MYBPC2: variants seen among roughly 807,000 people sequenced by gnomAD.
MYBPC2 encodes the protein myosin-binding protein C, fast-type.
In MYBPC2, 122 loss-of-function variants were observed where a neutral mutation model predicts 137.0. That is an observed-to-expected ratio of 0.89 (90% CI 0.77 to 1.03). The LOEUF (loss-of-function observed/expected upper bound fraction) is 1.03, where lower values mean the gene tolerates loss of function less well. Among genes scored for constraint, MYBPC2 ranks in the 50% least tolerant of loss-of-function variants. The pLI, the probability that MYBPC2 is intolerant of heterozygous loss-of-function variation, is 0.00. For missense variants in MYBPC2, 1,500 were observed against 1,534.4 expected (o/e 0.98, Z 0.37); for synonymous variants, 626 against 612.3 (o/e 1.02, Z -0.33).
chr19:50,453,993 G>T lies in MYBPC2; in HGVS notation c.1750-27G>T, dbSNP rs749387877. 5 of 1,569,400 alleles carry T rather than the reference G, an allele frequency of 3.2e-6. No individual in the cohort carries two copies. In the South Asian group the frequency reaches 5.8e-5, roughly 18 times the overall value. On this transcript the variant is annotated intron_variant, in intron 16 of 27. Coordinates refer to ENST00000357701, the MANE Select transcript of MYBPC2 (RefSeq NM_004533.4). The stretch of plus-strand genomic sequence containing the variant: ...GGTTTGCTTGGGGACACGATGGGGT[G>T]CAAGGCCATCTGGTGGCTGCGTTCA...
At chr19:50,463,009 C>T (rs894582911) in intron 26 of MYBPC2, among the ~76,000 whole-genome samples, 1 of 152,230 alleles carries the variant, frequency 6.6e-6, no homozygotes, top group Non-Finnish European at 1.5e-5. Context: ...CACGGCTCCC[C>T]AGGGTCTTCC....
At chr19:50,450,724 G>C (rs2039847650) in intron 13 of MYBPC2, 105 bp from the exon 14 acceptor site, 1 of 740,058 alleles carries the variant, frequency 1.4e-6, no homozygotes, top group Non-Finnish European at 2.3e-6. Context: ...GGATAAGAAT[G>C]CAGGCATGTG....
chr19:50,435,998 C>T lies in MYBPC2; in HGVS notation c.197-14C>T. 6.4e-7 allele frequency: 1 copy of T among 1,571,372 alleles called. No homozygotes were observed. The highest frequency in any genetic ancestry group is 8.6e-7 in the Non-Finnish European group (1 of 1,157,986). ...GGCCTCCTCCCACTCTACCCTGTCA[C>T]TCACCCCATGTAGGGAAGGACGCAG... On this transcript the variant is annotated splice_polypyrimidine_tract_variant and intron_variant, in intron 3 of 27. Transcript: ENST00000357701. The surrounding 1 kb of genome is among the most constrained non-coding windows in gnomAD (Gnocchi z 4.8).
chr19:50,433,145 C>T (rs528828439), intron 1 of MYBPC2, among the ~76,000 whole-genome samples, 173 bp downstream of exon 1: 2 of 152,208 alleles, frequency 1.3e-5, no homozygotes, highest in African/African-American at 4.8e-5. Flanking sequence ...GTGAGGGTCT[C>T]GACTCTGCAT....
chr19:50,464,801 A>C (rs2040000495), intron 27 of MYBPC2, among the ~76,000 whole-genome samples: 1 of 152,178 alleles, frequency 6.6e-6, no homozygotes. Context: ...AGAAGGGCTT[A>C]GGAAACGTCC....
chr19:50,436,374 T>A (rs2039703723), intron 4 of MYBPC2, among the ~76,000 whole-genome samples: 1 of 152,124 alleles, frequency 6.6e-6, no homozygotes, highest in African/African-American at 2.4e-5. Flanking sequence ...GCATTAGGGC[T>A]TGGTCATGTA....
chr19:50,459,087 C>G (rs904387078), intron 22 of MYBPC2, 24 bp from the exon 23 acceptor site: 2 of 1,549,204 alleles, frequency 1.3e-6, no homozygotes, highest in Non-Finnish European at 1.7e-6. Context: ...GCTGACCCCA[C>G]CCCGCCCCGC....
rs2122576384 is a variant in MYBPC2, at chr19:50,436,062, A to G, written c.247A>G (p.Lys83Glu). Residue 83 changes from lysine to glutamate, a missense_variant, in exon 4 of 28, where the codon AAA becomes GAA. Coordinates refer to ENST00000357701, the MANE Select transcript of MYBPC2 (RefSeq NM_004533.4). ...AKVNGKELPD[K>E]PTIKWFKGKW... ...GGTGAACGGGAAGGAGCTCCCAGAC[A>G]AACCGACCATCAAGTGGTTCAAGGG... 2 of 1,584,802 alleles carry G rather than the reference A, an allele frequency of 1.3e-6. No individual in the cohort carries two copies. Among genetic ancestry groups the G allele is most frequent in the East Asian group, 2.3e-5 (1 of 43,296 alleles).
chr19:50,433,452 T>C (rs1427451551), intron 1 of MYBPC2, among the ~76,000 whole-genome samples: 1 of 151,358 alleles, frequency 6.6e-6, no homozygotes, highest in East Asian at 2.0e-4. Flanking sequence ...CCCCCGGGGC[T>C]GGACTGCATT....
rs896528389 is a variant in MYBPC2, at chr19:50,457,729, G to A, written c.2339-858G>A. On this transcript the variant is annotated intron_variant, in intron 20 of 27. Coordinates refer to ENST00000357701, the MANE Select transcript of MYBPC2 (RefSeq NM_004533.4). ...GAGTCTTGGTCTGTCGCCCAGGCTG[G>A]AATGCAGTGGGGTGATCTCGGCTCA... Among the ~76,000 whole-genome samples the A allele has an allele frequency of 2.7e-5, 4 of 148,330 alleles. 1 individual carries two copies. In the South Asian group the frequency reaches 6.4e-4, roughly 24 times the overall value.
At chr19:50,446,088 C>T (rs772299638) in intron 12 of MYBPC2, 36 bp downstream of exon 12, 14 of 1,595,912 alleles carry the variant, frequency 8.8e-6, no homozygotes, top group African/African-American at 5.4e-5. Flanking sequence ...GGCTGCACTG[C>T]GCATGCTTCT....
intron 12 of MYBPC2, among the ~76,000 whole-genome samples, chr19:50,446,327 A>G (rs187044221): frequency 6.4e-4 from 98 of 152,198 alleles, no homozygotes; most frequent in African/African-American, 2.2e-3. Context: ...CCTGGCCAAC[A>G]TGGTGAAACC....
At position 50,441,072 on chromosome 19, in the gene MYBPC2, T is replaced by C; in HGVS notation, c.765T>C (p.Ser255=). 1 of 1,588,428 alleles carries C rather than the reference T, an allele frequency of 6.3e-7. No homozygotes were observed. Residue 255 remains serine, a synonymous_variant, in exon 8 of 28, where the codon AGT becomes AGC. Transcript: ENST00000357701. ...AGGCTAAGGTCGAGGTCAAGAAGAG[T>C]GCAGGTCAGCCCTGGTCTGGGGGGA... ...LKKAKVEVKK[S]AAFTKKLDPA... is the part of the protein sequence containing the mutation.
chr19:50,464,334 G>A lies in MYBPC2; in HGVS notation c.3229-12G>A, dbSNP rs2122623876. 1 of 1,597,124 alleles carries A rather than the reference G, an allele frequency of 6.3e-7. No homozygotes were observed. The highest frequency in any genetic ancestry group is 1.1e-5 in the South Asian group (1 of 87,492). ...TCTCTAAGTTGGCCTCCTCTCCCTT[G>A]ACTCTCAACAGCCGAAGGTGGTCTG... On this transcript the variant is annotated splice_polypyrimidine_tract_variant and intron_variant, in intron 26 of 27. Coordinates refer to ENST00000357701, the MANE Select transcript of MYBPC2 (RefSeq NM_004533.4).
chr19:50,464,605 G>C lies in MYBPC2; in HGVS notation c.3415+73G>C, dbSNP rs2293457. On this transcript the variant is annotated intron_variant, in intron 27 of 27. Coordinates refer to ENST00000357701, the MANE Select transcript of MYBPC2 (RefSeq NM_004533.4). ...TGTGCCAGCCTGGCCGGTGGCCCCG[G>C]GCTGAGCACCGCTGAGATCTGGAGA... 109 of 1,466,688 alleles carry C rather than the reference G, an allele frequency of 7.4e-5. 1 individual carries two copies. In the East Asian group the frequency reaches 2.5e-3, roughly 34 times the overall value. 90.9% of individuals were successfully genotyped at this position (1,466,688 alleles called of 1,614,324 possible). A position where few individuals can be genotyped will look rare whatever the true frequency, so the allele number is the denominator to read the frequency against.
At chr19:50,459,052 GC>G in intron 22 of MYBPC2, 46 bp downstream of exon 22, 1 of 1,567,574 alleles carries the variant, frequency 6.4e-7, no homozygotes, top group Non-Finnish European at 8.6e-7. Flanking sequence ...CTCGCCGCAA[GC>G]CCCCTTTTTG....
chr19:50,458,784 A>G, intron 21 of MYBPC2, 30 bp downstream of exon 21: 3 of 1,605,396 alleles, frequency 1.9e-6, no homozygotes, highest in East Asian at 4.5e-5. Context: ...GCGCTCCGAA[A>G]GACCAAGCTG....
Position 50,462,007 on chromosome 19 carries a change from C to G in MYBPC2, c.3199C>G (p.Leu1067Val). 1 of 1,573,116 alleles carries G rather than the reference C, an allele frequency of 6.4e-7. No homozygotes were observed. The change falls in exon 26 of 28, where the codon CTC becomes GTC. Residue 1067 changes from leucine (L) to valine (V), a missense_variant. By Grantham distance (32) the Leu-to-Val change is conservative (BLOSUM62 1). Transcript: ENST00000357701. ...GGTCGTGGCTGGGTACTCGGCAGCCCTCAACTGTGCTGTCAGAGGCCACCC... is the reference window on the plus strand; with the variant it reads ...GGTCGTGGCTGGGTACTCGGCAGCCGTCAACTGTGCTGTCAGAGGCCACCC... Reference protein sequence around the residue: ...RVVVAGYSAALNCAVRGHPKP... With the variant: ...RVVVAGYSAAVNCAVRGHPKP...
rs1163111511 is a variant in MYBPC2 at position 50,448,406 on chromosome 19, C to T, written c.1472+16C>T. 1.2e-6 allele frequency: 2 copies of T among 1,611,770 alleles called. No homozygotes were observed. The highest frequency in any genetic ancestry group is 2.7e-5 in the African/African-American group (2 of 74,858). ...ATGTAGGCAGGTGAGGAGTGGGCTGCAGAAGTGGCTGGGGGTAGGGTGTGC... is the reference window on the plus strand; with the variant it reads ...ATGTAGGCAGGTGAGGAGTGGGCTGTAGAAGTGGCTGGGGGTAGGGTGTGC... On this transcript the variant is annotated intron_variant, in intron 13 of 27. Transcript: ENST00000357701.
Sources: gnomAD v4.1 joint callset for allele counts (sites outside exome capture counted in the v4.1 genomes callset) on GRCh38, gnomAD v4.1.1 for gene constraint, Gnocchi (gnomAD v3.1) non-coding constraint, MANE v1.5 for transcripts, NCBI Gene and HGNC (gene_info 2026-07-23, HGNC 2026-07-21) for gene names.